Variants in PPARGC1A observed in about 807,000 individuals in gnomAD.
PPARGC1A encodes the protein peroxisome proliferator-activated receptor gamma coactivator 1-alpha.
A neutral mutation model predicts 88.7 loss-of-function variants in PPARGC1A; 25 were observed. The ratio of observed to expected loss-of-function variants is 0.28; its 90% confidence interval spans 0.21 to 0.39. The LOEUF (loss-of-function observed/expected upper bound fraction) is 0.39. PPARGC1A is among the 10% of genes least tolerant of loss of function. The probability of loss-of-function intolerance (pLI) is 1.00; values close to 1 mark genes in which losing one functional copy is unlikely to be tolerated. For synonymous variants in PPARGC1A, 363 were observed against 355.6 expected, an observed-to-expected ratio of 1.02 and a Z score of -0.24; for missense variants, 880 against 968.7, an observed-to-expected ratio of 0.91 and a Z score of 1.22.
the PPARGC1A span, among the ~76,000 whole-genome samples, chr4:24,382,453 G>A: frequency 6.6e-6 from 1 of 152,156 alleles, no homozygotes; most frequent in African/African-American, 2.4e-5. Flanking sequence ...AGTAAGGGAG[G>A]GAGGAGGGAG....
the PPARGC1A span, among the ~76,000 whole-genome samples, chr4:24,216,139 ACTCT>A: frequency 8.3e-6 from 1 of 120,350 alleles, no homozygotes; most frequent in Admixed American, 1.1e-4. Flanking sequence ...TTTGCAGCTA[ACTCT>A]TTTTTTTTTT....
the PPARGC1A span, among the ~76,000 whole-genome samples, chr4:24,021,410 C>A: frequency 6.6e-6 from 1 of 152,158 alleles, no homozygotes; most frequent in Non-Finnish European, 1.5e-5. Context: ...TTTATTCATT[C>A]CTTCCTCAGT....
the PPARGC1A span, among the ~76,000 whole-genome samples, chr4:23,972,374 T>C: frequency 3.3e-3 from 497 of 152,284 alleles, no homozygotes; most frequent in Non-Finnish European, 5.7e-3. Context: ...CAGAGAACTA[T>C]AGATAGAGAT....
At chr4:24,138,735 G>C in the PPARGC1A span, among the ~76,000 whole-genome samples, 1 of 152,242 alleles carries the variant, frequency 6.6e-6, no homozygotes, top group Non-Finnish European at 1.5e-5. Flanking sequence ...TGATTAAAAT[G>C]GTCAGCTCTC....
intron 7 of PPARGC1A, among the ~76,000 whole-genome samples, chr4:23,821,193 A>C (rs905942261): frequency 6.6e-6 from 1 of 152,150 alleles, no homozygotes. Flanking sequence ...AGACTTCAGG[A>C]AAGAGATATA....
At chr4:24,272,192 C>A in the PPARGC1A span, among the ~76,000 whole-genome samples, 1 of 152,166 alleles carries the variant, frequency 6.6e-6, no homozygotes, top group Non-Finnish European at 1.5e-5. Flanking sequence ...CTTTAGCTCA[C>A]GTGGGATATG....
the PPARGC1A span, among the ~76,000 whole-genome samples, chr4:24,427,983 CAT>C: frequency 6.6e-6 from 1 of 151,916 alleles, no homozygotes; most frequent in Non-Finnish European, 1.5e-5. Flanking sequence ...GCCATGGTGG[CAT>C]ATGTCTTTAG....
At chr4:23,874,257 A>G (rs1230355177) in intron 2 of PPARGC1A, among the ~76,000 whole-genome samples, 1 of 152,222 alleles carries the variant, frequency 6.6e-6, no homozygotes, top group Admixed American at 6.5e-5. Context: ...TAACTCCAGA[A>G]GTGGCAATTT....
the PPARGC1A span, among the ~76,000 whole-genome samples, chr4:24,230,639 G>T: frequency 6.6e-6 from 1 of 152,156 alleles, no homozygotes; most frequent in Non-Finnish European, 1.5e-5. Context: ...CTGAGAACAG[G>T]AGTCTGAGTT....
the PPARGC1A span, among the ~76,000 whole-genome samples, chr4:24,220,889 A>G: frequency 6.6e-6 from 1 of 152,210 alleles, no homozygotes; most frequent in Non-Finnish European, 1.5e-5. Flanking sequence ...AGGAAAAGTA[A>G]TATGTCCATT....
the PPARGC1A span, among the ~76,000 whole-genome samples, chr4:24,166,462 A>AG: frequency 6.6e-6 from 1 of 152,234 alleles, no homozygotes; most frequent in Non-Finnish European, 1.5e-5. Context: ...GATGCCATCT[A>AG]GGACTTTCAT....
chr4:23,974,405 C>T, the PPARGC1A span, among the ~76,000 whole-genome samples: 1,727 of 152,264 alleles, frequency 0.011, 33 homozygotes, highest in African/African-American at 0.038. Context: ...TTAATTCTCA[C>T]AGTGACCTTT....
the PPARGC1A span, among the ~76,000 whole-genome samples, chr4:24,289,788 C>CT: frequency 2.0e-5 from 3 of 152,222 alleles, no homozygotes; most frequent in East Asian, 1.9e-4. Context: ...CCACTTCCAG[C>CT]TTTTTTTAAA....
chr4:24,094,593 T>G, the PPARGC1A span, among the ~76,000 whole-genome samples: 8 of 152,224 alleles, frequency 5.3e-5, no homozygotes, highest in Non-Finnish European at 1.2e-4. Context: ...AAACTCAGAA[T>G]AGCATGACTT....
At chr4:23,938,172 T>A in the PPARGC1A span, among the ~76,000 whole-genome samples, 2 of 151,920 alleles carry the variant, frequency 1.3e-5, no homozygotes, top group Admixed American at 6.6e-5. Context: ...GTAAAAAAAA[T>A]TCAGTTTCTG....
At chr4:24,363,449 C>T in the PPARGC1A span, among the ~76,000 whole-genome samples, 1 of 152,164 alleles carries the variant, frequency 6.6e-6, no homozygotes, top group Non-Finnish European at 1.5e-5. Context: ...ATTAACGTAA[C>T]ATTCAGCTCG....
chr4:24,160,148 G>T, the PPARGC1A span, among the ~76,000 whole-genome samples: 3 of 152,182 alleles, frequency 2.0e-5, no homozygotes, highest in Non-Finnish European at 4.4e-5. Context: ...CTGGATTTTA[G>T]ACCTCTAATC....
chr4:24,182,997 C>T, the PPARGC1A span, among the ~76,000 whole-genome samples: 3 of 152,014 alleles, frequency 2.0e-5, no homozygotes, highest in Non-Finnish European at 2.9e-5. Context: ...ATAATAAACA[C>T]GCAAAGGAAT....
At chr4:24,365,999 T>C in the PPARGC1A span, among the ~76,000 whole-genome samples, 24 of 152,278 alleles carry the variant, frequency 1.6e-4, no homozygotes, top group African/African-American at 5.1e-4. Context: ...CATCAACTTG[T>C]GGAGAGGAAG....
Sources: gnomAD v4.1 joint callset for allele counts (sites outside exome capture counted in the v4.1 genomes callset) on GRCh38, gnomAD v4.1.1 for gene constraint, MANE v1.5 for transcripts, NCBI Gene and HGNC (gene_info 2026-07-23, HGNC 2026-07-21) for gene names.